The following SCN10A variants were observed in gnomAD, a reference collection of about 807,000 sequenced individuals.
The protein encoded by SCN10A is sodium channel protein type 10 subunit alpha.
SCN10A carries 162 observed loss-of-function variants against 170.7 expected under a neutral mutation model. That is an observed-to-expected ratio of 0.95 (90% CI 0.84 to 1.08). SCN10A has a LOEUF of 1.08. Among genes scored for constraint, SCN10A ranks in the 50% least tolerant of loss-of-function variants. The probability of loss-of-function intolerance (pLI) is 0.00; values close to 1 mark genes in which losing one functional copy is unlikely to be tolerated. For missense variants in SCN10A, 2,527 were observed against 2,436.9 expected (o/e 1.04, Z -0.78); for synonymous variants, 985 against 904.6 (o/e 1.09, Z -1.59).
At chr3:38,719,792 C>T (rs1014773289) in intron 20 of SCN10A, among the ~76,000 whole-genome samples, 1 of 152,200 alleles carries the variant, frequency 6.6e-6, no homozygotes, top group Admixed American at 6.5e-5. Flanking sequence ...GCAATTCCTC[C>T]TTCAAGCACT....
chr3:38,712,921 T>C (rs2063291303), intron 22 of SCN10A, among the ~76,000 whole-genome samples: 1 of 152,210 alleles, frequency 6.6e-6, no homozygotes, highest in Non-Finnish European at 1.5e-5. Flanking sequence ...AGATACAAAA[T>C]AGAATAAATT....
intron 1 of SCN10A, among the ~76,000 whole-genome samples, chr3:38,807,461 C>T (rs1386727787): frequency 1.3e-5 from 2 of 152,160 alleles, no homozygotes; most frequent in Non-Finnish European, 2.9e-5. Flanking sequence ...CTGACAATTC[C>T]AGATAAACTT....
chr3:38,802,874 G>A (rs1241061585), intron 1 of SCN10A, among the ~76,000 whole-genome samples: 1 of 152,080 alleles, frequency 6.6e-6, no homozygotes. Flanking sequence ...CCTACAGAAT[G>A]GGAGAAAATT....
chr3:38,803,619 G>A (rs903831597), intron 1 of SCN10A, among the ~76,000 whole-genome samples: 1 of 143,078 alleles, frequency 7.0e-6, no homozygotes, highest in African/African-American at 2.6e-5. Flanking sequence ...ATGGACACAG[G>A]AAGGGGAACA....
intron 10 of SCN10A, among the ~76,000 whole-genome samples, chr3:38,756,286 T>A (rs1475286076): frequency 3.3e-5 from 5 of 150,692 alleles, no homozygotes; most frequent in African/African-American, 1.2e-4. Flanking sequence ...GCTTCTGGGA[T>A]AGGTATGGGG....
chr3:38,796,790 C>T (rs1191576496), intron 1 of SCN10A, among the ~76,000 whole-genome samples: 2 of 152,110 alleles, frequency 1.3e-5, no homozygotes, highest in African/African-American at 4.8e-5. Flanking sequence ...GTTCCCATAA[C>T]TCTCTGCACT....
rs2063097606 is a variant in SCN10A at position 38,697,188 on chromosome 3, T to C, written c.*161A>G. The C allele has an allele frequency of 1.8e-6, 2 of 1,138,366 alleles. No homozygotes were observed. The highest frequency in any genetic ancestry group is 2.4e-6 in the Non-Finnish European group (2 of 824,230). The allele number at this position is 1,138,366 out of a possible 1,614,324, so 70.5% of individuals were successfully genotyped here. A position where few individuals can be genotyped will look rare whatever the true frequency, so the allele number is the denominator to read the frequency against. ...CTCCTATTTGTGTATGATGGTTTTT[T>C]CAAAGGTGGTTACCAGTTGCATTCC... On this transcript the variant is annotated 3_prime_UTR_variant, in exon 28 of 28. Transcript: ENST00000449082.
rs1553620983 is a variant in SCN10A, at chr3:38,755,816, C to A, written c.1433G>T (p.Arg478Leu). The change falls in exon 11 of 28, where the codon CGC becomes CTC. Residue 478 changes from arginine (R) to leucine (L), a missense_variant. Transcript: ENST00000449082. ...CCTGCGCTGGTTGTAAGGATCAGAG[C>A]GGGGTGATTTGTTGTCTTCTGTGGA... ...EGSTEDNKSPRSDPYNQRRMS... is the reference protein window; with the variant it reads ...EGSTEDNKSPLSDPYNQRRMS... 1 of 1,613,930 alleles carries A rather than the reference C, an allele frequency of 6.2e-7. No homozygotes were observed. Among genetic ancestry groups the A allele is most frequent in the Non-Finnish European group, 8.5e-7 (1 of 1,180,022 alleles).
chr3:38,777,503 A>G lies in SCN10A; in HGVS notation c.471-6096T>C, dbSNP rs2064089667. On this transcript the variant is annotated intron_variant, in intron 4 of 27. Transcript: ENST00000449082. ...GATGTGTGGGAAGGCTTCGTATTGT[A>G]AATGTGGCGATTCTTCCTGTGGTGA... Among the ~76,000 whole-genome samples the G allele has an allele frequency of 1.3e-5, 2 of 152,126 alleles. 1 individual carries two copies. Among genetic ancestry groups the G allele is most frequent in the South Asian group, 4.1e-4 (2 of 4,826 alleles).
intron 20 of SCN10A, among the ~76,000 whole-genome samples, chr3:38,721,430 T>C (rs2063388567): frequency 6.6e-6 from 1 of 152,232 alleles, no homozygotes; most frequent in Non-Finnish European, 1.5e-5. Flanking sequence ...CAACTGAGGA[T>C]GTTAAGTTCC....
chr3:38,729,742 G>A (rs910284054), intron 15 of SCN10A, among the ~76,000 whole-genome samples: 5 of 152,208 alleles, frequency 3.3e-5, no homozygotes, highest in African/African-American at 1.2e-4. Context: ...GAGCTCAACT[G>A]TCAGTCTGTC....
chr3:38,698,162 A>C lies in SCN10A; in HGVS notation c.5058T>G (p.Asn1686Lys). ...PYCDPNLPNSNGTRGDCGSPA... is the reference protein window; with the variant it reads ...PYCDPNLPNSKGTRGDCGSPA... Reference sequence around the variant, plus strand: ...GGCTCCCACAGTCCCCTCTGGTGCCATTGCTGTTGGGCAGATTGGGGTCAC... The same window carrying C: ...GGCTCCCACAGTCCCCTCTGGTGCCCTTGCTGTTGGGCAGATTGGGGTCAC... The change falls in exon 28 of 28, where the codon AAT (asparagine) becomes AAG (lysine). Residue 1686 changes from asparagine (N) to lysine (K), a missense_variant. By Grantham distance (94) the Asn-to-Lys change is moderately conservative. Transcript: ENST00000449082. The C allele has an allele frequency of 6.2e-7, 1 of 1,614,104 alleles. No individual in the cohort carries two copies. The highest frequency in any genetic ancestry group is 1.1e-5 in the South Asian group (1 of 91,066).
chr3:38,761,071 G>T, intron 7 of SCN10A, 121 bp downstream of exon 7: 1 of 782,986 alleles, frequency 1.3e-6, no homozygotes, highest in Non-Finnish European at 2.0e-6. Context: ...AACCATTTTG[G>T]CAGGAAAGGG....
intron 2 of SCN10A, 31 bp downstream of exon 2, chr3:38,793,710 G>A (rs1326842600): frequency 3.8e-6 from 6 of 1,597,910 alleles, no homozygotes; most frequent in Non-Finnish European, 5.1e-6. Context: ...TCCAAGAGCT[G>A]AGAGCAGACA....
intron 4 of SCN10A, among the ~76,000 whole-genome samples, chr3:38,776,706 T>G (rs764605517): frequency 1.3e-5 from 2 of 152,104 alleles, no homozygotes; most frequent in Non-Finnish European, 2.9e-5. Flanking sequence ...TGAATTGCTC[T>G]GCTAAACAAA....
chr3:38,756,064 A>C, intron 10 of SCN10A, 106 bp from the exon 11 acceptor site: 1 of 1,249,160 alleles, frequency 8.0e-7, no homozygotes, highest in East Asian at 2.4e-5. Flanking sequence ...GAAACAGAGA[A>C]GCTGAAGGGT....
intron 27 of SCN10A, among the ~76,000 whole-genome samples, chr3:38,699,800 C>T (rs2063138237): frequency 6.6e-6 from 1 of 152,094 alleles, no homozygotes. Context: ...GAGAATGGTT[C>T]CTCGTACTTG....
At chr3:38,772,673 A>G (rs1228134873) in intron 4 of SCN10A, among the ~76,000 whole-genome samples, 4 of 150,764 alleles carry the variant, frequency 2.7e-5, no homozygotes, top group Admixed American at 2.6e-4. Context: ...TGGGTGACAG[A>G]GCAAGACTTC....
chr3:38,713,744 T>C (rs538498693), intron 22 of SCN10A, among the ~76,000 whole-genome samples: 110 of 151,828 alleles, frequency 7.2e-4, no homozygotes, highest in Non-Finnish European at 1.4e-3. Flanking sequence ...CAGGCTGGAG[T>C]ATAATGGCAC....
Sources: gnomAD v4.1 joint callset for allele counts (sites outside exome capture counted in the v4.1 genomes callset) on GRCh38, gnomAD v4.1.1 for gene constraint, MANE v1.5 for transcripts, NCBI Gene and HGNC (gene_info 2026-07-23, HGNC 2026-07-21) for gene names.